The following SPATA31H1 variants were observed in gnomAD, a reference collection of about 807,000 sequenced individuals.
SPATA31H1 encodes the protein SPATA31 subfamily H member 1.
chr2:27,570,706 T>C, the SPATA31H1 span: 1 of 398,854 alleles, frequency 2.5e-6, no homozygotes, highest in Middle Eastern at 6.3e-4. Context: ...GGGCCAAAGA[T>C]GCAAGGGGTA....
chr2:27,565,256 T>C, the SPATA31H1 span: 1 of 687,104 alleles, frequency 1.5e-6, no homozygotes, highest in Non-Finnish European at 2.7e-6. Context: ...ATCTGATATC[T>C]AAAAGGTGAG....
the SPATA31H1 span, chr2:27,570,249 A>G: frequency 7.5e-3 from 2,997 of 398,794 alleles, 66 homozygotes; most frequent in African/African-American, 0.056. Flanking sequence ...AGGGACACAT[A>G]TTGAAGATAT....
At chr2:27,577,963 C>T in the SPATA31H1 span, 9 of 1,613,986 alleles carry the variant, frequency 5.6e-6, no homozygotes, top group Admixed American at 8.3e-5. This position sits in a 1 kb window ranked among gnomAD's most constrained non-coding sequence, Gnocchi z 4.5. Flanking sequence ...CCAGGGACAA[C>T]CCCAGGACCA....
chr2:27,577,882 C>T, the SPATA31H1 span: 1 of 1,614,088 alleles, frequency 6.2e-7, no homozygotes, highest in Non-Finnish European at 8.5e-7. The surrounding 1 kb of genome is among the most constrained non-coding windows in gnomAD (Gnocchi z 4.5). Context: ...GTAGAGCTCA[C>T]CTCTGAGGCA....
chr2:27,571,242 G>A, the SPATA31H1 span: 1 of 398,282 alleles, frequency 2.5e-6, no homozygotes, highest in African/African-American at 2.1e-5. Flanking sequence ...GGTAACCCCG[G>A]GCTCAAAGCT....
At chr2:27,574,075 C>G in the SPATA31H1 span, 1 of 398,370 alleles carries the variant, frequency 2.5e-6, no homozygotes, top group East Asian at 3.6e-5. Context: ...ACCACAAGGA[C>G]CAAGATTCAA....
At chr2:27,571,082 G>C in the SPATA31H1 span, 14 of 398,364 alleles carry the variant, frequency 3.5e-5, no homozygotes, top group Admixed American at 6.2e-4. Flanking sequence ...CAGAGCCACA[G>C]CTAGAAGATA....
the SPATA31H1 span, among the ~76,000 whole-genome samples, chr2:27,541,404 G>A: frequency 6.6e-6 from 1 of 151,542 alleles, no homozygotes; most frequent in East Asian, 1.9e-4. Flanking sequence ...CGTGGGAAGG[G>A]GGAGAGAGAG....
At chr2:27,542,348 G>C in the SPATA31H1 span, among the ~76,000 whole-genome samples, 41 of 152,010 alleles carry the variant, frequency 2.7e-4, no homozygotes, top group Non-Finnish European at 4.9e-4. Flanking sequence ...AGTGAGCCGA[G>C]ATCATACCAC....
chr2:27,550,299 C>T, the SPATA31H1 span, among the ~76,000 whole-genome samples: 1 of 148,848 alleles, frequency 6.7e-6, no homozygotes, highest in Non-Finnish European at 1.5e-5. Flanking sequence ...AAACATTACA[C>T]ATCATTTATG....
the SPATA31H1 span, chr2:27,581,903 C>T: frequency 6.2e-7 from 1 of 1,611,954 alleles, no homozygotes; most frequent in Non-Finnish European, 8.5e-7. Flanking sequence ...ATCGCAGTCC[C>T]TCTGAGAGAA....
the SPATA31H1 span, chr2:27,578,602 C>T: frequency 6.2e-7 from 1 of 1,613,980 alleles, no homozygotes; most frequent in Non-Finnish European, 8.5e-7. Context: ...ACAATATTGA[C>T]TCATAAACAA....
the SPATA31H1 span, among the ~76,000 whole-genome samples, chr2:27,560,071 T>C: frequency 6.6e-6 from 1 of 151,764 alleles, no homozygotes; most frequent in South Asian, 2.1e-4. Context: ...TTTCACCATG[T>C]TGGCCAGGAT....
chr2:27,572,706 G>A, the SPATA31H1 span: 4 of 397,792 alleles, frequency 1.0e-5, no homozygotes, highest in Non-Finnish European at 1.3e-5. Context: ...GTTCCAAGGT[G>A]TAAAAACTAT....
the SPATA31H1 span, chr2:27,569,429 G>A: frequency 1.0e-5 from 4 of 398,758 alleles, no homozygotes; most frequent in Non-Finnish European, 1.8e-5. Context: ...CAGGATTTTT[G>A]GAGTTGACTC....
the SPATA31H1 span, chr2:27,571,067 A>G: frequency 5.0e-6 from 2 of 398,418 alleles, no homozygotes; most frequent in African/African-American, 4.1e-5. Flanking sequence ...CTGAAAAGCT[A>G]ACCTCAGAGC....
the SPATA31H1 span, chr2:27,573,752 T>C: frequency 2.5e-6 from 1 of 398,534 alleles, no homozygotes; most frequent in African/African-American, 2.1e-5. Context: ...AGCTGCAAGA[T>C]GTGAAGTCTC....
the SPATA31H1 span, chr2:27,580,909 C>T: frequency 6.2e-7 from 1 of 1,614,226 alleles, no homozygotes; most frequent in Non-Finnish European, 8.5e-7. Context: ...AGAGCTTACT[C>T]TTTCCAACCC....
At chr2:27,572,517 C>T in the SPATA31H1 span, 4 of 398,098 alleles carry the variant, frequency 1.0e-5, no homozygotes, top group South Asian at 1.3e-4. Context: ...GGAGTTTAAC[C>T]GTGGGCCACA....
Sources: allele counts gnomAD v4.1 joint callset (sites outside exome capture counted in the v4.1 genomes callset), GRCh38; gene constraint gnomAD v4.1.1; non-coding constraint Gnocchi (gnomAD v3.1); transcripts MANE v1.5; gene names NCBI Gene and HGNC (gene_info 2026-07-23, HGNC 2026-07-21).